Variants in GPHN observed in about 807,000 individuals in gnomAD.
The protein encoded by GPHN is gephyrin.
Under a neutral mutation model 95.5 loss-of-function variants are expected in GPHN, and 17 were observed. The ratio of observed to expected loss-of-function variants is 0.18; its 90% CI spans 0.12 to 0.27. The LOEUF (loss-of-function observed/expected upper bound fraction) is 0.27. Among genes scored for constraint, GPHN ranks in the 10% least tolerant of loss-of-function variants. The pLI, the probability that GPHN is intolerant of heterozygous loss-of-function variation, is 1.00. For synonymous variants in GPHN, 320 were observed against 322.5 expected, an observed-to-expected ratio of 0.99 and a Z score of 0.08; for missense variants, 660 against 978.1, an observed-to-expected ratio of 0.67 and a Z score of 4.34.
At chr14:67,051,363 G>T (rs1348176548) in intron 10 of GPHN, among the ~76,000 whole-genome samples, 1 of 152,186 alleles carries the variant, frequency 6.6e-6, no homozygotes, top group Admixed American at 6.5e-5. Context: ...GAATTTCGGA[G>T]CTTGAAGACT....
chr14:67,154,282 C>G (rs1195221204), intron 18 of GPHN, among the ~76,000 whole-genome samples: 1 of 152,190 alleles, frequency 6.6e-6, no homozygotes, highest in East Asian at 1.9e-4. Flanking sequence ...CAAGGCTTAG[C>G]TAATATATCA....
the GPHN span, among the ~76,000 whole-genome samples, chr14:67,449,680 C>A: frequency 1.3e-5 from 2 of 152,194 alleles, no homozygotes; most frequent in Non-Finnish European, 2.9e-5. Flanking sequence ...CATCTTGTAG[C>A]TCCCATAATT....
chr14:67,250,088 A>T, the GPHN span, among the ~76,000 whole-genome samples: 1 of 152,226 alleles, frequency 6.6e-6, no homozygotes, highest in East Asian at 1.9e-4. Flanking sequence ...TATGGCACAC[A>T]AATGGGTCAC....
At chr14:66,777,543 T>C (rs922451772) in intron 3 of GPHN, among the ~76,000 whole-genome samples, 2 of 151,754 alleles carry the variant, frequency 1.3e-5, no homozygotes, top group Non-Finnish European at 3.0e-5. Flanking sequence ...TAGACCAATA[T>C]CCTTGATGAA....
the GPHN span, chr14:67,473,600 G>A: frequency 5.6e-6 from 9 of 1,603,960 alleles, no homozygotes; most frequent in South Asian, 4.5e-5. This position sits in a 1 kb window ranked among gnomAD's most constrained non-coding sequence, Gnocchi z 6.5. Context: ...AGTCAAAGTC[G>A]AACTGGGAGT....
At chr14:66,700,919 TA>T (rs34677303) in intron 2 of GPHN, among the ~76,000 whole-genome samples, 17 of 147,930 alleles carry the variant, frequency 1.1e-4, no homozygotes, top group South Asian at 2.1e-4. Context: ...AGACACCATC[TA>T]AAAAAAAAAA....
At chr14:67,562,449 T>C in the GPHN span, 3 of 1,613,324 alleles carry the variant, frequency 1.9e-6, no homozygotes, top group Non-Finnish European at 2.5e-6. Context: ...ATGAAGCTTC[T>C]TACCTTCAGA....
the GPHN span, chr14:67,338,735 C>T: frequency 6.2e-7 from 1 of 1,613,056 alleles, no homozygotes; most frequent in African/African-American, 1.3e-5. Context: ...CCTTTAGAAT[C>T]TTTTTCTTCT....
the GPHN span, chr14:67,198,194 G>A: frequency 1.9e-6 from 3 of 1,613,668 alleles, no homozygotes; most frequent in Non-Finnish European, 2.5e-6. Context: ...CTACCATGAG[G>A]ATCAATAAGC....
At chr14:67,730,673 G>A in the GPHN span, among the ~76,000 whole-genome samples, 3 of 152,106 alleles carry the variant, frequency 2.0e-5, no homozygotes, top group South Asian at 6.2e-4. Flanking sequence ...GCTTGATCTT[G>A]GCTCACTGCA....
chr14:67,090,544 CATT>C (rs1297182988), intron 12 of GPHN, among the ~76,000 whole-genome samples: 3 of 152,046 alleles, frequency 2.0e-5, no homozygotes, highest in Non-Finnish European at 4.4e-5. Context: ...CAAGATATCT[CATT>C]ATGTATATGC....
chr14:67,323,223 A>ATGTG, the GPHN span, among the ~76,000 whole-genome samples: 6,009 of 114,196 alleles, frequency 0.053, 611 homozygotes, highest in East Asian at 0.42. Context: ...ATATATACAC[A>ATGTG]TATATACACG....
chr14:67,063,626 C>T (rs2153652555), intron 11 of GPHN, among the ~76,000 whole-genome samples: 1 of 152,270 alleles, frequency 6.6e-6, no homozygotes, highest in East Asian at 1.9e-4. Context: ...ATTTGTAGTT[C>T]TCCTTGAAGA....
intron 1 of GPHN, among the ~76,000 whole-genome samples, chr14:66,646,567 A>G (rs901026399): frequency 3.3e-5 from 5 of 152,316 alleles, no homozygotes; most frequent in East Asian, 1.9e-4. Flanking sequence ...CAATATATAT[A>G]TAAAATAGAT....
At chr14:66,518,691 T>G (rs150353624) in intron 1 of GPHN, among the ~76,000 whole-genome samples, 19 of 152,208 alleles carry the variant, frequency 1.2e-4, no homozygotes, top group Non-Finnish European at 2.5e-4. Flanking sequence ...GCAACATGGA[T>G]GGAACTGAAG....
At chr14:67,675,744 G>T in the GPHN span, among the ~76,000 whole-genome samples, 1 of 152,052 alleles carries the variant, frequency 6.6e-6, no homozygotes, top group South Asian at 2.1e-4. Flanking sequence ...GGTCTCATCT[G>T]CCACTAAGTG....
chr14:66,647,883 A>C (rs547739997), intron 1 of GPHN, among the ~76,000 whole-genome samples: 1 of 152,352 alleles, frequency 6.6e-6, no homozygotes, highest in South Asian at 2.1e-4. Context: ...AAACTGATTT[A>C]AAGATCCACT....
the GPHN span, chr14:67,200,068 C>T: frequency 2.1e-6 from 2 of 959,154 alleles, no homozygotes; most frequent in East Asian, 2.5e-5. Context: ...ACCACCCCAA[C>T]CACCACCTGG....
chr14:67,248,365 AG>A, the GPHN span, among the ~76,000 whole-genome samples: 1 of 152,102 alleles, frequency 6.6e-6, no homozygotes, highest in Non-Finnish European at 1.5e-5. Flanking sequence ...TAAAAAAAAA[AG>A]GAAACCAAAT....
Sources: gnomAD v4.1 joint callset for allele counts (sites outside exome capture counted in the v4.1 genomes callset) on GRCh38, gnomAD v4.1.1 for gene constraint, Gnocchi (gnomAD v3.1) non-coding constraint, MANE v1.5 for transcripts, NCBI Gene and HGNC (gene_info 2026-07-23, HGNC 2026-07-21) for gene names.